Variants in S100A1 observed in about 807,000 individuals in gnomAD.
S100A1 encodes the protein protein S100-A1.
In S100A1, 3 loss-of-function variants were observed where a neutral mutation model predicts 7.6. The observed-to-expected ratio is 0.40, with a 90% confidence interval of 0.18 to 1.02. The LOEUF is 1.02. Ranked by LOEUF, S100A1 falls within the 50% of genes least tolerant of loss-of-function variation. The pLI is 0.35. For missense variants in S100A1, 126 were observed against 115.0 expected, an observed-to-expected ratio of 1.10 and a Z score of -0.44; for synonymous variants, 49 against 49.0, an observed-to-expected ratio of 1.00 and a Z score of 0.00.
intron 1 of S100A1, 23 bp downstream of exon 1, chr1:153,628,519 C>G (rs1223809413): frequency 1.3e-6 from 2 of 1,550,348 alleles, no homozygotes; most frequent in South Asian, 2.4e-5. Context: ...CCCCACTGGG[C>G]TAGTCCCTGG....
At chr1:153,628,820 C>T in intron 1 of S100A1, 1 of 367,018 alleles carries the variant, frequency 2.7e-6, no homozygotes, top group Non-Finnish European at 5.0e-6. Flanking sequence ...CTCTGTCTCC[C>T]AGGTGTTGGG....
In S100A1 at chr1:153,631,721, G is replaced by A; in HGVS notation, c.165G>A (p.Val55=). 2 of 1,614,212 alleles carry A rather than the reference G, an allele frequency of 1.2e-6. No individual in the cohort carries two copies. Among genetic ancestry groups the A allele is most frequent in the African/African-American group, 1.3e-5 (1 of 75,040 alleles). ...FLDAQKDVDA[V]DKVMKELDEN... Reference sequence around the variant, plus strand: ...AGGCCCAGAAGGATGTGGATGCTGTGGACAAGGTGATGAAGGAGCTAGACG... The same window carrying A: ...AGGCCCAGAAGGATGTGGATGCTGTAGACAAGGTGATGAAGGAGCTAGACG... The change falls in exon 3 of 3, where the codon GTG becomes GTA. Residue 55 remains valine (V), a synonymous_variant. Transcript: ENST00000292169.
At chr1:153,631,650 G>A (rs1668015067) in intron 2 of S100A1, 48 bp from the exon 3 acceptor site, 1 of 1,613,842 alleles carries the variant, frequency 6.2e-7, no homozygotes, top group Non-Finnish European at 8.5e-7. Flanking sequence ...CTGACTCAGT[G>A]CTGTACCCTT....
At position 153,630,874 on chromosome 1, in the gene S100A1, G is replaced by A. The variant is rs943552132; in HGVS notation, c.141+212G>A. On this transcript the variant is annotated intron_variant, in intron 2 of 2. Coordinates refer to ENST00000292169, the MANE Select transcript of S100A1 (RefSeq NM_006271.2). The stretch of plus-strand genomic sequence containing the variant: ...TTATTGATCACCTGTTAAGTGTTAG[G>A]CCCTGTGTAGATTCATCAATAATAA... 1.7e-5 allele frequency: 10 copies of A among 581,554 alleles called. No homozygotes were observed. The Admixed American group carries it at 2.2e-4, about 13-fold the overall frequency. 36.0% of individuals were successfully genotyped at this position (581,554 alleles called of 1,614,324 possible).
Position 153,628,463 on chromosome 1 carries a change from C to T in S100A1, c.-47C>T. On this transcript the variant is annotated 5_prime_UTR_variant, in exon 1 of 3. Coordinates refer to ENST00000292169, the MANE Select transcript of S100A1 (RefSeq NM_006271.2). ...ACATTTGCAACCTTGGCCATCTGTC[C>T]AGAACCTGCTCCCACCTCAGGCCCA... 2 of 1,550,762 alleles carry T rather than the reference C, an allele frequency of 1.3e-6. No homozygotes were observed. The highest frequency in any genetic ancestry group is 1.7e-6 in the Non-Finnish European group (2 of 1,146,996).
rs769079440 is a variant in S100A1 at position 153,631,748 on chromosome 1, G to A, written c.192G>A (p.Glu64=). ...AVDKVMKELD[E]NGDGEVDFQE... ...ACAAGGTGATGAAGGAGCTAGACGAGAATGGAGACGGGGAGGTGGACTTCC... is the reference window on the plus strand; with the variant it reads ...ACAAGGTGATGAAGGAGCTAGACGAAAATGGAGACGGGGAGGTGGACTTCC... The change falls in exon 3 of 3, where the codon GAG becomes GAA. Residue 64 remains glutamate (E), a synonymous_variant. Coordinates refer to ENST00000292169, the MANE Select transcript of S100A1 (RefSeq NM_006271.2). 6.2e-7 allele frequency: 1 copy of A among 1,614,210 alleles called. No homozygotes were observed.
chr1:153,631,297 C>G (rs963167008), intron 2 of S100A1: 4 of 681,050 alleles, frequency 5.9e-6, no homozygotes, highest in African/African-American at 5.4e-5. Context: ...CAAATTCCAG[C>G]CCTGCTACTT....
Position 153,631,935 on chromosome 1 carries a change from T to G in S100A1, c.*94T>G. On this transcript the variant is annotated 3_prime_UTR_variant, in exon 3 of 3. Transcript: ENST00000292169. ...ACCTCACCCCACTTATCCCTCTCCA[T>G]AACCCCACCCTTGCCCACCCCACCC... 6.7e-7 allele frequency: 1 copy of G among 1,497,672 alleles called. No homozygotes were observed. The highest frequency in any genetic ancestry group is 9.0e-7 in the Non-Finnish European group (1 of 1,109,614). 92.8% of individuals were successfully genotyped at this position (1,497,672 alleles called of 1,614,324 possible).
chr1:153,631,242 T>G (rs1415219192), intron 2 of S100A1: 2 of 555,216 alleles, frequency 3.6e-6, no homozygotes, highest in Non-Finnish European at 6.4e-6. Flanking sequence ...AGCCTCAGGA[T>G]ACGGTAGAAA....
At chr1:153,629,295 G>A (rs1048319847) in intron 1 of S100A1, 2 of 152,166 alleles carry the variant, frequency 1.3e-5, no homozygotes, top group Admixed American at 1.3e-4. Flanking sequence ...CCCCTCATCA[G>A]CCACAGCTTG....
rs914957348 is a variant in S100A1, at chr1:153,630,660, G to A, written c.139G>A (p.Asp47Asn). The A allele has an allele frequency of 2.4e-5, 38 of 1,614,048 alleles. No homozygotes were observed. Among genetic ancestry groups the A allele is most frequent in the Admixed American group, 1.2e-4 (7 of 60,006 alleles). The part of the protein sequence containing the change: ...LLQTELSGFL[D>N]AQKDVDAVDK... ...GCAGACGGAGCTCTCTGGCTTCCTGGATGTGAGCATAGAGTGGTGGAGTGG... is the reference window on the plus strand; with the variant it reads ...GCAGACGGAGCTCTCTGGCTTCCTGAATGTGAGCATAGAGTGGTGGAGTGG... Residue 47 changes from aspartate (D) to asparagine (N), a missense_variant and splice_region_variant, in exon 2 of 3, where the codon GAT becomes AAT. Coordinates refer to ENST00000292169, the MANE Select transcript of S100A1 (RefSeq NM_006271.2).
chr1:153,631,449 T>A (rs1438031097), intron 2 of S100A1: 3 of 1,566,034 alleles, frequency 1.9e-6, no homozygotes, highest in Non-Finnish European at 2.6e-6. Flanking sequence ...CCTAGTGTAG[T>A]GCTTGCTTTA....
intron 1 of S100A1, 170 bp downstream of exon 1, chr1:153,628,666 AG>A: frequency 1.7e-6 from 2 of 1,178,032 alleles, no homozygotes; most frequent in Non-Finnish European, 2.3e-6. Flanking sequence ...AGGGTTTGGA[AG>A]GTGGTGATGA....
intron 1 of S100A1, chr1:153,630,128 T>C (rs2101633580): frequency 1.2e-5 from 4 of 323,168 alleles, no homozygotes; most frequent in East Asian, 4.9e-5. Context: ...AGGGTAAAAA[T>C]AGAGCCAGAG....
intron 1 of S100A1, chr1:153,628,726 G>T (rs1667826098): frequency 1.4e-6 from 1 of 731,430 alleles, no homozygotes; most frequent in African/African-American, 1.8e-5. Context: ...CTCAGCAAAG[G>T]AGGAAGCCAG....
chr1:153,630,809 G>T, intron 2 of S100A1, 147 bp downstream of exon 2: 1 of 1,082,684 alleles, frequency 9.2e-7, no homozygotes, highest in Non-Finnish European at 1.3e-6. Flanking sequence ...GTTTTTCCAG[G>T]CTCCCCTACT....
chr1:153,630,292 G>C (rs1667930278), intron 1 of S100A1: 3 of 569,680 alleles, frequency 5.3e-6, no homozygotes, highest in African/African-American at 1.9e-5. Flanking sequence ...CCTCTGGCTG[G>C]GGTACAGACT....
intron 2 of S100A1, chr1:153,631,448 G>C: frequency 1.9e-6 from 3 of 1,565,066 alleles, no homozygotes; most frequent in Non-Finnish European, 1.7e-6. Flanking sequence ...TCCTAGTGTA[G>C]TGCTTGCTTT....
At chr1:153,630,714 G>C in intron 2 of S100A1, 52 bp downstream of exon 2, 1 of 1,598,098 alleles carries the variant, frequency 6.3e-7, no homozygotes, top group Non-Finnish European at 8.6e-7. Context: ...TTGGGGGAAT[G>C]GGGTGGACAC....
Sources: allele counts gnomAD v4.1 joint callset, GRCh38; gene constraint gnomAD v4.1.1; transcripts MANE v1.5; gene names NCBI Gene and HGNC (gene_info 2026-07-23, HGNC 2026-07-21).